The following CASP5 variants were observed in gnomAD, a reference collection of about 807,000 sequenced individuals.
The protein encoded by CASP5 is caspase-5.
CASP5 carries 42 observed loss-of-function variants against 45.2 expected under a neutral mutation model. The ratio of observed to expected loss-of-function variants is 0.93; its 90% CI spans 0.73 to 1.20. The LOEUF is 1.20. CASP5 is among the 50% of genes most tolerant of loss of function. The pLI, the probability that CASP5 is intolerant of heterozygous loss-of-function variation, is 0.00. For missense variants in CASP5, 512 were observed against 532.2 expected (o/e 0.96, Z 0.37); for synonymous variants, 209 against 186.2 (o/e 1.12, Z -1.00).
intron 1 of CASP5, among the ~76,000 whole-genome samples, chr11:105,009,738 T>TACAC: frequency 1.6e-5 from 1 of 63,934 alleles, no homozygotes; most frequent in African/African-American, 1.0e-4. Flanking sequence ...TATATATATA[T>TACAC]ATATATATAT....
chr11:105,009,795 A>ACT (rs1565388290), intron 1 of CASP5, among the ~76,000 whole-genome samples: 2 of 99,304 alleles, frequency 2.0e-5, no homozygotes, highest in Non-Finnish European at 3.8e-5. Flanking sequence ...ATACACACGT[A>ACT]TATATATATA....
chr11:105,001,840 A>C (rs1188684489), intron 5 of CASP5, among the ~76,000 whole-genome samples, 188 bp downstream of exon 5: 1 of 152,194 alleles, frequency 6.6e-6, no homozygotes, highest in Non-Finnish European at 1.5e-5. Flanking sequence ...TTTGAGGCTC[A>C]AAAGAGACAC....
intron 3 of CASP5, among the ~76,000 whole-genome samples, chr11:105,004,030 G>A (rs9651713): frequency 0.13 from 19,773 of 151,892 alleles, 1,424 homozygotes; most frequent in African/African-American, 0.18. Context: ...TACAACAAAC[G>A]TTTGATAGAA....
chr11:105,021,973 T>C (rs913309860), intron 1 of CASP5, among the ~76,000 whole-genome samples: 11 of 151,076 alleles, frequency 7.3e-5, no homozygotes, highest in African/African-American at 2.7e-4. Flanking sequence ...TGGAATATTA[T>C]GCAGCCATAA....
chr11:104,994,648 G>C (rs974929144), intron 9 of CASP5, among the ~76,000 whole-genome samples: 1 of 150,028 alleles, frequency 6.7e-6, no homozygotes, highest in African/African-American at 2.5e-5. Flanking sequence ...GCTCCTCACT[G>C]TTTCTCCTAA....
intron 1 of CASP5, among the ~76,000 whole-genome samples, chr11:105,013,671 G>C (rs1441559248): frequency 6.6e-6 from 1 of 151,986 alleles, no homozygotes; most frequent in Admixed American, 6.6e-5. Context: ...TTATGGATCA[G>C]CCCAGATGTG....
In CASP5 at chr11:105,018,065, A is replaced by C. The variant is rs1436970461; in HGVS notation, c.7+5065T>G. On this transcript the variant is annotated intron_variant, in intron 1 of 9. Coordinates refer to ENST00000260315, the MANE Select transcript of CASP5 (RefSeq NM_004347.5). ...CATATCCAGCCAAACTAAGCTTCAT[A>C]AGTGAAGGAGAAATAAAATACTTTA... 5.9e-5 allele frequency among the ~76,000 whole-genome samples: 9 copies of C among 151,436 alleles called. No individual in the cohort carries two copies. The East Asian group carries it at 7.8e-4, about 13-fold the overall frequency.
Position 105,007,146 on chromosome 11 carries a change from C to T in CASP5, c.370G>A (p.Val124Met), listed in dbSNP as rs146224408. Residue 124 changes from valine to methionine, a missense_variant, in exon 3 of 10, where the codon GTG becomes ATG. Coordinates refer to ENST00000260315, the MANE Select transcript of CASP5 (RefSeq NM_004347.5). ...ILVDSLRKNR[V>M]AHQMFTQTLL... ...GTTTGGGTAAACATTTGATGAGCCACGCGATTCTTTCGCAAAGAGTCTACC... is the reference window on the plus strand; with the variant it reads ...GTTTGGGTAAACATTTGATGAGCCATGCGATTCTTTCGCAAAGAGTCTACC... The T allele has an allele frequency of 5.5e-5, 89 of 1,613,624 alleles. No homozygotes were observed. Among genetic ancestry groups the T allele is most frequent in the African/African-American group, 5.2e-4 (39 of 75,024 alleles).
At chr11:105,011,230 A>G (rs34973831) in intron 1 of CASP5, among the ~76,000 whole-genome samples, 207 of 151,918 alleles carry the variant, frequency 1.4e-3, no homozygotes, top group Non-Finnish European at 2.7e-3. Context: ...ACTTACTTGC[A>G]TGCTTAGTAA....
At chr11:105,017,248 G>A (rs192924574) in intron 1 of CASP5, among the ~76,000 whole-genome samples, 4,300 of 152,032 alleles carry the variant, frequency 0.028, 189 homozygotes, top group African/African-American at 0.098. Flanking sequence ...AAAGCAGAGC[G>A]ACTCTCCTCC....
chr11:105,006,948 G>C, intron 3 of CASP5, 135 bp downstream of exon 3: 1 of 811,078 alleles, frequency 1.2e-6, no homozygotes. Flanking sequence ...TCTCTAACAG[G>C]ATGATGACAT....
chr11:105,008,730 G>T, intron 2 of CASP5, 77 bp downstream of exon 2: 2 of 991,952 alleles, frequency 2.0e-6, no homozygotes, highest in Non-Finnish European at 3.1e-6. Flanking sequence ...GGGGATCACA[G>T]AAGTCACTGC....
chr11:105,003,992 T>C (rs1591160458), intron 3 of CASP5, among the ~76,000 whole-genome samples: 1 of 152,124 alleles, frequency 6.6e-6, no homozygotes, highest in East Asian at 1.9e-4. Context: ...AGTCCCCTCC[T>C]AGTTCACACC....
intron 1 of CASP5, among the ~76,000 whole-genome samples, chr11:105,013,196 C>T (rs543568504): frequency 6.6e-6 from 1 of 152,074 alleles, no homozygotes; most frequent in African/African-American, 2.4e-5. Flanking sequence ...TATATGATCT[C>T]ACTGATGTGT....
chr11:104,997,507 C>T lies in CASP5; in HGVS notation c.1097-15G>A, dbSNP rs45439695. On this transcript the variant is annotated splice_polypyrimidine_tract_variant and intron_variant, in intron 7 of 9. Transcript: ENST00000260315. ...GGACACGTTATCTATGATGATACAGCCTGGTATGCCTTGGGCTACGACTTT... is the reference window on the plus strand; with the variant it reads ...GGACACGTTATCTATGATGATACAGTCTGGTATGCCTTGGGCTACGACTTT... The T allele has an allele frequency of 1.4e-3, 2,085 of 1,519,292 alleles. 21 individuals carry two copies. The African/African-American group carries it at 0.022, about 16-fold the overall frequency. 94.1% of individuals were successfully genotyped at this position (1,519,292 alleles called of 1,614,324 possible). A position where few individuals can be genotyped will look rare whatever the true frequency, so the allele number is the denominator to read the frequency against.
chr11:104,998,542 CT>C (rs1357634899), intron 7 of CASP5, among the ~76,000 whole-genome samples: 1 of 152,104 alleles, frequency 6.6e-6, no homozygotes, highest in Non-Finnish European at 1.5e-5. Flanking sequence ...CATAAAACTT[CT>C]ATTCAAAATG....
chr11:105,017,158 C>T (rs1197827901), intron 1 of CASP5, among the ~76,000 whole-genome samples: 3 of 151,868 alleles, frequency 2.0e-5, no homozygotes, highest in Admixed American at 1.3e-4. Context: ...CCCATCTGTA[C>T]ATCACCATCA....
At chr11:105,001,613 C>T (rs958697523) in intron 5 of CASP5, among the ~76,000 whole-genome samples, 5 of 152,112 alleles carry the variant, frequency 3.3e-5, no homozygotes, top group African/African-American at 4.8e-5. Context: ...GCCAAGATCA[C>T]GCCACTACAC....
At chr11:105,015,947 G>T (rs554238712) in intron 1 of CASP5, among the ~76,000 whole-genome samples, 2 of 152,104 alleles carry the variant, frequency 1.3e-5, no homozygotes, top group Admixed American at 6.6e-5. Flanking sequence ...CGTAAAAATC[G>T]TGCCTTAGAG....
Sources: allele counts gnomAD v4.1 joint callset (sites outside exome capture counted in the v4.1 genomes callset), GRCh38; gene constraint gnomAD v4.1.1; transcripts MANE v1.5; gene names NCBI Gene and HGNC (gene_info 2026-07-23, HGNC 2026-07-21).